The following UGT1A6 variants were observed in gnomAD, a reference collection of about 807,000 sequenced individuals.
The protein encoded by UGT1A6 is UDP-glucuronosyltransferase 1A6.
UGT1A6 carries 32 observed loss-of-function variants against 44.4 expected under a neutral mutation model. That is an observed-to-expected ratio of 0.72 (90% CI 0.54 to 0.97). The LOEUF (loss-of-function observed/expected upper bound fraction) is 0.97. Ranked by LOEUF, UGT1A6 falls within the 50% of genes least tolerant of loss-of-function variation. The pLI, the probability that UGT1A6 is intolerant of heterozygous loss-of-function variation, is 0.00. For synonymous variants in UGT1A6, 238 were observed against 248.5 expected, an observed-to-expected ratio of 0.96 and a Z score of 0.40; for missense variants, 685 against 661.9, an observed-to-expected ratio of 1.03 and a Z score of -0.38.
chr2:233,755,331 G>T, intron 1 of UGT1A6: 2 of 462,216 alleles, frequency 4.3e-6, no homozygotes, highest in South Asian at 1.9e-5. Context: ...GCCAGCACCC[G>T]CGCACAGGTC....
chr2:233,724,266 G>A (rs1189985435), intron 1 of UGT1A6, among the ~76,000 whole-genome samples: 3 of 135,606 alleles, frequency 2.2e-5, no homozygotes, highest in Non-Finnish European at 4.8e-5. Flanking sequence ...CTCCCGGACG[G>A]GGCGGCTGGC....
intron 1 of UGT1A6, among the ~76,000 whole-genome samples, chr2:233,720,134 A>G (rs562111913): frequency 6.6e-6 from 1 of 152,212 alleles, no homozygotes; most frequent in South Asian, 2.1e-4. Flanking sequence ...ACCACAGGAG[A>G]CCTAGGCACT....
intron 1 of UGT1A6, chr2:233,721,797 A>C (rs7597496): frequency 3.9e-6 from 2 of 511,786 alleles, no homozygotes; most frequent in African/African-American, 3.9e-5. Context: ...TTTAAAGCAC[A>C]TGCAGCAAAA....
At chr2:233,760,894 C>T (rs1697601712) in intron 1 of UGT1A6, 6 of 1,614,174 alleles carry the variant, frequency 3.7e-6, no homozygotes, top group Non-Finnish European at 5.1e-6. Flanking sequence ...TCATTCAGAT[C>T]ACATGACCTT....
At chr2:233,696,958 A>G (rs1196242717) in intron 1 of UGT1A6, among the ~76,000 whole-genome samples, 2 of 152,210 alleles carry the variant, frequency 1.3e-5, no homozygotes, top group East Asian at 1.9e-4. Flanking sequence ...TCTTTTTAAC[A>G]TATTATTGGA....
intron 1 of UGT1A6, among the ~76,000 whole-genome samples, chr2:233,765,395 G>A (rs1009787089): frequency 6.6e-6 from 1 of 152,142 alleles, no homozygotes; most frequent in Non-Finnish European, 1.5e-5. Context: ...AGAAAATGTG[G>A]TACATATACA....
chr2:233,704,862 G>A (rs991681240), intron 1 of UGT1A6, among the ~76,000 whole-genome samples: 2 of 152,054 alleles, frequency 1.3e-5, no homozygotes, highest in Non-Finnish European at 2.9e-5. Flanking sequence ...GGCCGGGCAC[G>A]GTGGCTCACT....
At chr2:233,697,618 G>T (rs1039414753) in intron 1 of UGT1A6, among the ~76,000 whole-genome samples, 1 of 150,320 alleles carries the variant, frequency 6.7e-6, no homozygotes, top group Admixed American at 6.6e-5. Context: ...CAAAGTTTGA[G>T]TTTGGTTTAC....
chr2:233,710,872 T>TA (rs1227633401), intron 1 of UGT1A6, among the ~76,000 whole-genome samples: 2 of 152,242 alleles, frequency 1.3e-5, no homozygotes, highest in African/African-American at 4.8e-5. Flanking sequence ...TTAAAAAAGT[T>TA]AAACAGTTTA....
At chr2:233,744,264 T>C (rs1692755909) in intron 1 of UGT1A6, among the ~76,000 whole-genome samples, 2 of 151,788 alleles carry the variant, frequency 1.3e-5, no homozygotes, top group Admixed American at 1.3e-4. Flanking sequence ...CTGTTTTTCT[T>C]AAAGTAGGCT....
chr2:233,755,200 G>A (rs1575733621), intron 1 of UGT1A6: 14 of 1,105,580 alleles, frequency 1.3e-5, no homozygotes, highest in South Asian at 8.5e-5. Flanking sequence ...GCCAGCTTGC[G>A]GTACGCCTTC....
intron 1 of UGT1A6, among the ~76,000 whole-genome samples, chr2:233,696,207 T>C (rs1053095318): frequency 6.6e-6 from 1 of 152,240 alleles, no homozygotes; most frequent in Non-Finnish European, 1.5e-5. Context: ...ATGTTTATTA[T>C]AGCACTATTC....
At chr2:233,696,856 TG>T (rs2075362224) in intron 1 of UGT1A6, among the ~76,000 whole-genome samples, 2 of 152,228 alleles carry the variant, frequency 1.3e-5, no homozygotes, top group Admixed American at 1.3e-4. Flanking sequence ...TTTTGTTGAA[TG>T]TTTTTTCAGC....
At chr2:233,698,678 A>G (rs1465077839) in intron 1 of UGT1A6, among the ~76,000 whole-genome samples, 1 of 152,248 alleles carries the variant, frequency 6.6e-6, no homozygotes, top group East Asian at 1.9e-4. Context: ...CAACTATAAA[A>G]CAAATACATT....
intron 1 of UGT1A6, among the ~76,000 whole-genome samples, chr2:233,715,951 T>C (rs189079466): frequency 1.1e-3 from 172 of 152,286 alleles, no homozygotes; most frequent in African/African-American, 4.0e-3. Flanking sequence ...GTTTGTTGAC[T>C]GACTGACTGA....
intron 1 of UGT1A6, chr2:233,717,721 G>A: frequency 2.2e-6 from 1 of 454,902 alleles, no homozygotes; most frequent in South Asian, 1.6e-5. Context: ...TCATGGGCAT[G>A]AGACCATTGT....
chr2:233,728,958 A>G (rs2077771946), intron 1 of UGT1A6: 1 of 1,444,154 alleles, frequency 6.9e-7, no homozygotes, highest in Non-Finnish European at 9.2e-7. Flanking sequence ...CCCACAGTGA[A>G]AAACAGTGAT....
intron 1 of UGT1A6, chr2:233,760,520 C>T (rs779218106): frequency 6.8e-6 from 11 of 1,614,230 alleles, no homozygotes; most frequent in South Asian, 5.5e-5. Context: ...ACCTTGAAGA[C>T]GTACCCTGTG....
At chr2:233,754,323 G>A (rs1357745204) in intron 1 of UGT1A6, 2 of 247,114 alleles carry the variant, frequency 8.1e-6, no homozygotes, top group Non-Finnish European at 1.6e-5. Flanking sequence ...GTCTGCCTCA[G>A]GCTTAAGTTT....
Sources: gnomAD v4.1 joint callset for allele counts (sites outside exome capture counted in the v4.1 genomes callset) on GRCh38, gnomAD v4.1.1 for gene constraint, MANE v1.5 for transcripts, NCBI Gene and HGNC (gene_info 2026-07-23, HGNC 2026-07-21) for gene names.